The following STAG1 variants were observed in gnomAD, a reference collection of about 807,000 sequenced individuals.
The protein encoded by STAG1 is STAG1 cohesin complex component.
STAG1 carries 26 observed loss-of-function variants against 170.9 expected under a neutral mutation model. The ratio of observed to expected loss-of-function variants is 0.15; its 90% CI spans 0.11 to 0.21. The LOEUF is 0.21. STAG1 is among the 10% of genes least tolerant of loss of function. STAG1 has a pLI of 1.00. For missense variants in STAG1, 964 were observed against 1,509.5 expected, an observed-to-expected ratio of 0.64 and a Z score of 5.99; for synonymous variants, 514 against 497.7, an observed-to-expected ratio of 1.03 and a Z score of -0.44.
chr3:136,520,038 T>C (rs1430505434), intron 7 of STAG1, among the ~76,000 whole-genome samples: 1 of 152,064 alleles, frequency 6.6e-6, no homozygotes, highest in Admixed American at 6.6e-5. Flanking sequence ...TATGAATTAA[T>C]ATGAATTAAC....
At chr3:136,372,691 A>T (rs1224967968) in intron 23 of STAG1, among the ~76,000 whole-genome samples, 1 of 152,220 alleles carries the variant, frequency 6.6e-6, no homozygotes, top group East Asian at 1.9e-4. Context: ...CATCCCAGGA[A>T]TGAAGCCCAC....
At chr3:136,410,468 G>C (rs1325607324) in intron 21 of STAG1, among the ~76,000 whole-genome samples, 1 of 152,054 alleles carries the variant, frequency 6.6e-6, no homozygotes, top group Non-Finnish European at 1.5e-5. Context: ...AGTAGTGCAA[G>C]CTACCACAAA....
Position 136,336,474 on chromosome 3 carries a change from T to C in STAG1, c.*1780A>G, listed in dbSNP as rs1472204138. ...CAATTCTGTCAGCATCTGTTTTCCATACAAGACTGTCACGCAAAGGATCAA... is the reference window on the plus strand; with the variant it reads ...CAATTCTGTCAGCATCTGTTTTCCACACAAGACTGTCACGCAAAGGATCAA... On this transcript the variant is annotated 3_prime_UTR_variant, in exon 34 of 34. Coordinates refer to ENST00000383202, the MANE Select transcript of STAG1 (RefSeq NM_005862.3). 6.6e-6 allele frequency: 1 copy of C among 152,240 alleles called. No individual in the cohort carries two copies. Among genetic ancestry groups the C allele is most frequent in the Non-Finnish European group, 1.5e-5 (1 of 68,044 alleles). 9.4% of individuals were successfully genotyped at this position (152,240 alleles called of 1,614,324 possible).
rs570005622 is a variant in STAG1, at chr3:136,549,802, T to C, written c.395-7607A>G. ...TTTTCACCATAGAATATGTTAGCAATAAGCTTTGTATATATGGCCATTATT... is the reference window on the plus strand; with the variant it reads ...TTTTCACCATAGAATATGTTAGCAACAAGCTTTGTATATATGGCCATTATT... On this transcript the variant is annotated intron_variant, in intron 5 of 33. Coordinates refer to ENST00000383202, the MANE Select transcript of STAG1 (RefSeq NM_005862.3). Among the ~76,000 whole-genome samples the C allele has an allele frequency of 3.3e-4, 50 of 152,192 alleles. No homozygotes were observed. The South Asian group carries it at 7.5e-3, about 23-fold the overall frequency.
intron 4 of STAG1, among the ~76,000 whole-genome samples, chr3:136,570,508 T>C (rs937995914): frequency 2.6e-5 from 4 of 152,212 alleles, no homozygotes; most frequent in Non-Finnish European, 4.4e-5. Context: ...GTACACACAT[T>C]TGATGAATGT....
At chr3:136,385,369 G>A (rs988186412) in intron 22 of STAG1, among the ~76,000 whole-genome samples, 3 of 152,172 alleles carry the variant, frequency 2.0e-5, no homozygotes, top group Non-Finnish European at 4.4e-5. Flanking sequence ...GAGCCTGGGA[G>A]ATTGAGGCTG....
intron 29 of STAG1, among the ~76,000 whole-genome samples, chr3:136,344,622 C>CG (rs1553788427): frequency 6.6e-6 from 1 of 151,884 alleles, no homozygotes; most frequent in African/African-American, 2.4e-5. Flanking sequence ...TTTGTTTAAA[C>CG]TTTTTTTTCA....
intron 23 of STAG1, 99 bp from the exon 24 acceptor site, chr3:136,369,381 A>C: frequency 1.2e-6 from 1 of 847,338 alleles, no homozygotes; most frequent in Non-Finnish European, 1.7e-6. Flanking sequence ...GTTTAATAGC[A>C]GTACCATAAT....
intron 6 of STAG1, among the ~76,000 whole-genome samples, chr3:136,536,328 A>C (rs1428995315): frequency 6.6e-6 from 1 of 152,158 alleles, no homozygotes; most frequent in East Asian, 1.9e-4. Context: ...GCCAGAAACA[A>C]ATTATATGAC....
intron 1 of STAG1, among the ~76,000 whole-genome samples, chr3:136,654,831 C>T (rs1941324438): frequency 6.6e-6 from 1 of 152,076 alleles, no homozygotes; most frequent in Admixed American, 6.6e-5. Context: ...AAAGAGAGCC[C>T]ACAAATAAGC....
At chr3:136,606,483 C>T (rs1039078859) in intron 3 of STAG1, among the ~76,000 whole-genome samples, 4 of 152,166 alleles carry the variant, frequency 2.6e-5, no homozygotes, top group African/African-American at 7.2e-5. Flanking sequence ...CCACCACGAG[C>T]GGCCTGATTT....
chr3:136,599,765 G>A (rs1020956748), intron 4 of STAG1, among the ~76,000 whole-genome samples: 1 of 152,102 alleles, frequency 6.6e-6, no homozygotes, highest in African/African-American at 2.4e-5. Flanking sequence ...GTAACATAAT[G>A]TACTGTTTTA....
At chr3:136,581,796 T>C (rs1391676803) in intron 4 of STAG1, among the ~76,000 whole-genome samples, 3 of 152,098 alleles carry the variant, frequency 2.0e-5, no homozygotes, top group Admixed American at 6.5e-5. Flanking sequence ...GAATACCATA[T>C]ATTAAAAATT....
chr3:136,485,773 G>C (rs948410043), intron 9 of STAG1, among the ~76,000 whole-genome samples: 1 of 152,028 alleles, frequency 6.6e-6, no homozygotes, highest in Non-Finnish European at 1.5e-5. Context: ...TATCCTGTAG[G>C]CCTCCTTCTA....
At position 136,470,333 on chromosome 3, in the gene STAG1, A is replaced by T. The variant is rs1178109362; in HGVS notation, c.1205+2080T>A. Among the ~76,000 whole-genome samples the T allele has an allele frequency of 2.0e-5, 3 of 152,372 alleles. No individual in the cohort carries two copies. In the East Asian group the frequency reaches 5.8e-4, roughly 29 times the overall value. On this transcript the variant is annotated intron_variant, in intron 12 of 33. Coordinates refer to ENST00000383202, the MANE Select transcript of STAG1 (RefSeq NM_005862.3). The stretch of plus-strand genomic sequence containing the variant: ...ATCAAAAAGTGGGCAAAGGATATGA[A>T]CAGACACTTCTGAAAAGAAGACATT...
chr3:136,543,789 A>C (rs1559870444), intron 5 of STAG1, among the ~76,000 whole-genome samples: 2 of 152,238 alleles, frequency 1.3e-5, no homozygotes, highest in Non-Finnish European at 2.9e-5. Flanking sequence ...ATTCAAACAA[A>C]TAAGGATGAT....
chr3:136,622,994 A>G (rs1359392697), intron 3 of STAG1, 152 bp downstream of exon 3: 1 of 596,638 alleles, frequency 1.7e-6, no homozygotes, highest in East Asian at 3.1e-5. Flanking sequence ...ATCACTGCCA[A>G]GACAATTTAT....
At chr3:136,719,899 G>A (rs375922465) in intron 1 of STAG1, among the ~76,000 whole-genome samples, 7 of 152,152 alleles carry the variant, frequency 4.6e-5, no homozygotes, top group African/African-American at 1.7e-4. Context: ...AAGTGAGTCC[G>A]GGAGCGGTGG....
In STAG1 at chr3:136,522,733, C is replaced by T. The variant is rs940697155; in HGVS notation, c.472-1316G>A. On this transcript the variant is annotated intron_variant, in intron 6 of 33. Transcript: ENST00000383202. ...ATTCCTCCCCCCTCCCCCCACCCCACGGCAGGTCCCAGCGTGTGACGTTCC... is the reference window on the plus strand; with the variant it reads ...ATTCCTCCCCCCTCCCCCCACCCCATGGCAGGTCCCAGCGTGTGACGTTCC... Among the ~76,000 whole-genome samples, 28 of 130,494 alleles carry T rather than the reference C, an allele frequency of 2.1e-4. No individual in the cohort carries two copies. The East Asian group carries it at 3.9e-3, about 18-fold the overall frequency. The allele number at this position is 130,494 out of a possible 152,430, so 85.6% of individuals were successfully genotyped here. A position where few individuals can be genotyped will look rare whatever the true frequency, so the allele number is the denominator to read the frequency against.
Sources: gnomAD v4.1 joint callset for allele counts (sites outside exome capture counted in the v4.1 genomes callset) on GRCh38, gnomAD v4.1.1 for gene constraint, MANE v1.5 for transcripts, NCBI Gene and HGNC (gene_info 2026-07-23, HGNC 2026-07-21) for gene names.